KCND2: variants seen among roughly 807,000 people sequenced by gnomAD.
KCND2 encodes potassium voltage-gated channel subfamily D member 2.
In KCND2, 16 loss-of-function variants were observed where a neutral mutation model predicts 54.4. That is an observed-to-expected ratio of 0.29 (90% CI 0.20 to 0.45). The LOEUF (loss-of-function observed/expected upper bound fraction) is 0.45, where lower values mean the gene tolerates loss of function less well. KCND2 is among the 20% of genes least tolerant of loss of function. KCND2 has a pLI of 1.00. For synonymous variants in KCND2, 317 were observed against 310.7 expected, an observed-to-expected ratio of 1.02 and a Z score of -0.21; for missense variants, 486 against 824.2, an observed-to-expected ratio of 0.59 and a Z score of 5.02.
intron 1 of KCND2, among the ~76,000 whole-genome samples, chr7:120,604,869 G>C (rs528616642): frequency 6.6e-6 from 1 of 152,160 alleles, no homozygotes; most frequent in African/African-American, 2.4e-5. Context: ...CCTTTGATGT[G>C]AGTAGAATAT....
intron 4 of KCND2, among the ~76,000 whole-genome samples, chr7:120,743,527 T>C (rs1792967255): frequency 6.6e-6 from 1 of 151,988 alleles, no homozygotes; most frequent in South Asian, 2.1e-4. Flanking sequence ...GCAGCGAACA[T>C]GGAAAGCAAC....
Position 120,479,392 on chromosome 7 carries a change from A to G in KCND2, c.1115+203645A>G, listed in dbSNP as rs1034203373. The stretch of plus-strand genomic sequence containing the variant: ...ATTTTCATCTTACACAAATTTTACC[A>G]GTATACATGTTTGATTAAAATATTT... On this transcript the variant is annotated intron_variant, in intron 1 of 5. Coordinates refer to ENST00000331113, the MANE Select transcript of KCND2 (RefSeq NM_012281.3). 1.7e-4 allele frequency among the ~76,000 whole-genome samples: 26 copies of G among 152,004 alleles called. 1 individual carries two copies. The highest frequency in any genetic ancestry group is 5.2e-4 in the Admixed American group (8 of 15,244).
chr7:120,607,587 C>G (rs1278992905), intron 1 of KCND2, among the ~76,000 whole-genome samples: 1 of 151,950 alleles, frequency 6.6e-6, no homozygotes, highest in Non-Finnish European at 1.5e-5. Context: ...CTGTGATACC[C>G]TTTTAGGTAG....
intron 1 of KCND2, among the ~76,000 whole-genome samples, chr7:120,451,105 T>G (rs560139442): frequency 6.6e-6 from 1 of 152,170 alleles, no homozygotes; most frequent in Non-Finnish European, 1.5e-5. Context: ...AGTGGTCCAT[T>G]TGGTATTTGA....
intron 1 of KCND2, among the ~76,000 whole-genome samples, chr7:120,349,128 C>G (rs1800364828): frequency 6.6e-6 from 1 of 152,090 alleles, no homozygotes; most frequent in Admixed American, 6.6e-5. Flanking sequence ...ATACTACTTG[C>G]AATTGCCACT....
At position 120,666,228 on chromosome 7, in the gene KCND2, G is replaced by A. The variant is rs190814305; in HGVS notation, c.1116-66675G>A. 4.9e-3 allele frequency among the ~76,000 whole-genome samples: 741 copies of A among 152,018 alleles called. 5 individuals carry two copies. Among genetic ancestry groups the A allele is most frequent in the African/African-American group, 0.017 (703 of 41,520 alleles). On this transcript the variant is annotated intron_variant, in intron 1 of 5. Coordinates refer to ENST00000331113, the MANE Select transcript of KCND2 (RefSeq NM_012281.3). Reference sequence around the variant, plus strand: ...CTTTTGGGTAGGGAGAGGAAGAGGGGACATTTGAGATCTAAAGAACATTGT... The same window carrying A: ...CTTTTGGGTAGGGAGAGGAAGAGGGAACATTTGAGATCTAAAGAACATTGT...
At chr7:120,652,352 G>T (rs920611537) in intron 1 of KCND2, among the ~76,000 whole-genome samples, 1 of 152,104 alleles carries the variant, frequency 6.6e-6, no homozygotes, top group Non-Finnish European at 1.5e-5. Context: ...GGGATTACAG[G>T]TGTGAGCAAC....
chr7:120,353,403 A>G (rs1399325402), intron 1 of KCND2, among the ~76,000 whole-genome samples: 4 of 152,114 alleles, frequency 2.6e-5, no homozygotes, highest in African/African-American at 4.8e-5. Flanking sequence ...TAGTAACTCA[A>G]TCTTTGTGTT....
At chr7:120,688,489 G>A (rs899155216) in intron 1 of KCND2, among the ~76,000 whole-genome samples, 5 of 152,096 alleles carry the variant, frequency 3.3e-5, no homozygotes, top group South Asian at 2.1e-4. Context: ...CTTCACCCAC[G>A]GTCTGACCTT....
chr7:120,398,725 C>G (rs1431052695), intron 1 of KCND2, among the ~76,000 whole-genome samples: 1 of 152,032 alleles, frequency 6.6e-6, no homozygotes, highest in Non-Finnish European at 1.5e-5. Context: ...TGGAGTCACC[C>G]ACACCTTGCT....
chr7:120,473,909 T>C (rs1802496858), intron 1 of KCND2, among the ~76,000 whole-genome samples: 1 of 152,168 alleles, frequency 6.6e-6, no homozygotes, highest in South Asian at 2.1e-4. Flanking sequence ...TCAGGAGTCA[T>C]GGGAGGAATC....
chr7:120,653,134 G>A (rs913013368), intron 1 of KCND2, among the ~76,000 whole-genome samples: 1 of 151,634 alleles, frequency 6.6e-6, no homozygotes, highest in Non-Finnish European at 1.5e-5. Context: ...CCAAGCTCAA[G>A]AAATCCTCTC....
At position 120,348,928 on chromosome 7, in the gene KCND2, G is replaced by T. The variant is rs931628173; in HGVS notation, c.1115+73181G>T. 2.6e-5 allele frequency among the ~76,000 whole-genome samples: 4 copies of T among 152,084 alleles called. No individual in the cohort carries two copies. The East Asian group carries it at 7.7e-4, about 29-fold the overall frequency. ...TTTCACTGGCAGTAGAGTAGGATTT[G>T]CACATAAGTAGCTTACCTAGGGGGC... On this transcript the variant is annotated intron_variant, in intron 1 of 5. Transcript: ENST00000331113.
chr7:120,479,927 A>T lies in KCND2; in HGVS notation c.1115+204180A>T, dbSNP rs1329460130. 2.0e-5 allele frequency among the ~76,000 whole-genome samples: 3 copies of T among 148,450 alleles called. No individual in the cohort carries two copies. The East Asian group carries it at 5.9e-4, about 29-fold the overall frequency. The stretch of plus-strand genomic sequence containing the variant: ...GGCTGCAGTGAGCCGAGATCGCGCC[A>T]CTGCACTCCAGCCTGGGTGACAGAG... On this transcript the variant is annotated intron_variant, in intron 1 of 5. Transcript: ENST00000331113.
chr7:120,685,264 AC>A (rs1196865565), intron 1 of KCND2, among the ~76,000 whole-genome samples: 6 of 152,048 alleles, frequency 3.9e-5, no homozygotes, highest in African/African-American at 1.4e-4. Flanking sequence ...AAGAACTATC[AC>A]CCTTCCAGAT....
rs545542518 is a variant in KCND2 at position 120,708,254 on chromosome 7, AT to A, written c.1116-24648del. ...ATACAATGCAATGAAACATAACTCA[AT>A]CAGGTGACAAGTATACTCAGACCAT... is the stretch of plus-strand genomic sequence containing the variant. On this transcript the variant is annotated intron_variant, in intron 1 of 5. Transcript: ENST00000331113. 2.0e-3 allele frequency among the ~76,000 whole-genome samples: 304 copies of A among 152,246 alleles called. 1 individual carries two copies. The highest frequency in any genetic ancestry group is 7.0e-3 in the African/African-American group (289 of 41,572).
chr7:120,597,965 C>T lies in KCND2; in HGVS notation c.1116-134938C>T, dbSNP rs562609078. Reference sequence around the variant, plus strand: ...CTTTAAGTCAAAAGTACTATCTGGGCCTGGAGTGGGAGATTTGTTTGCAGA... The same window carrying T: ...CTTTAAGTCAAAAGTACTATCTGGGTCTGGAGTGGGAGATTTGTTTGCAGA... On this transcript the variant is annotated intron_variant, in intron 1 of 5. Coordinates refer to ENST00000331113, the MANE Select transcript of KCND2 (RefSeq NM_012281.3). Among the ~76,000 whole-genome samples, 19 of 151,938 alleles carry T rather than the reference C, an allele frequency of 1.3e-4. No individual in the cohort carries two copies. In the East Asian group the frequency reaches 2.9e-3, roughly 23 times the overall value.
chr7:120,434,235 C>A (rs914942423), intron 1 of KCND2, among the ~76,000 whole-genome samples: 1 of 152,168 alleles, frequency 6.6e-6, no homozygotes, highest in East Asian at 1.9e-4. Context: ...GCCAAACTTC[C>A]TAAGACAGTT....
intron 1 of KCND2, among the ~76,000 whole-genome samples, chr7:120,600,660 A>G (rs1792802721): frequency 6.6e-6 from 1 of 152,086 alleles, no homozygotes; most frequent in Non-Finnish European, 1.5e-5. Context: ...GATGAGCATC[A>G]TTGCTCATAG....
Sources: allele counts gnomAD v4.1 joint callset (sites outside exome capture counted in the v4.1 genomes callset), GRCh38; gene constraint gnomAD v4.1.1; transcripts MANE v1.5; gene names NCBI Gene and HGNC (gene_info 2026-07-23, HGNC 2026-07-21).